MAML3: variants seen among roughly 807,000 people sequenced by gnomAD.
MAML3 encodes the protein mastermind-like protein 3.
A neutral mutation model predicts 101.9 loss-of-function variants in MAML3; 27 were observed. The observed-to-expected ratio is 0.27, with a 90% CI of 0.20 to 0.37. The LOEUF (loss-of-function observed/expected upper bound fraction) is 0.37. MAML3 is among the 10% of genes least tolerant of loss of function. The pLI, the probability that MAML3 is intolerant of heterozygous loss-of-function variation, is 1.00. For missense variants in MAML3, 1,316 were observed against 1,444.9 expected (o/e 0.91, Z 1.45); for synonymous variants, 501 against 555.9 (o/e 0.90, Z 1.39).
chr4:139,736,127 C>G (rs1015793308), intron 2 of MAML3, among the ~76,000 whole-genome samples: 1 of 152,032 alleles, frequency 6.6e-6, no homozygotes, highest in East Asian at 1.9e-4. Context: ...CACACACACT[C>G]ACTCACTCAC....
intron 1 of MAML3, among the ~76,000 whole-genome samples, chr4:139,984,440 T>TCC (rs1184174297): frequency 7.3e-6 from 1 of 136,960 alleles, no homozygotes; most frequent in African/African-American, 2.5e-5. Flanking sequence ...ATTTCTGTGT[T>TCC]CCTTGCTTTG....
At chr4:139,950,048 C>T (rs554308848) in intron 1 of MAML3, among the ~76,000 whole-genome samples, 3 of 151,908 alleles carry the variant, frequency 2.0e-5, no homozygotes, top group African/African-American at 4.8e-5. Context: ...GCAATATTAA[C>T]GATTTTTTTT....
chr4:139,861,045 T>C (rs1731772370), intron 2 of MAML3, among the ~76,000 whole-genome samples: 2 of 152,290 alleles, frequency 1.3e-5, no homozygotes, highest in South Asian at 4.2e-4. Context: ...TATATACATC[T>C]GTATATACTA....
intron 1 of MAML3, among the ~76,000 whole-genome samples, chr4:139,996,641 T>C (rs1012376930): frequency 6.6e-6 from 1 of 151,942 alleles, no homozygotes; most frequent in Non-Finnish European, 1.5e-5. Flanking sequence ...TACTAATATG[T>C]TTTGAGTCAA....
chr4:140,117,711 A>G (rs929760871), intron 1 of MAML3, among the ~76,000 whole-genome samples: 3 of 151,816 alleles, frequency 2.0e-5, no homozygotes, highest in Non-Finnish European at 1.5e-5. Context: ...ATTAATAGAG[A>G]ATAGAAAAAT....
intron 1 of MAML3, among the ~76,000 whole-genome samples, chr4:140,089,676 C>A (rs1728012240): frequency 6.6e-6 from 1 of 152,204 alleles, no homozygotes; most frequent in Non-Finnish European, 1.5e-5. Context: ...ATGATATTCA[C>A]ATGACATTCC....
intron 1 of MAML3, among the ~76,000 whole-genome samples, chr4:139,891,936 GTCTT>G (rs555691783): frequency 4.6e-5 from 7 of 152,094 alleles, no homozygotes; most frequent in Non-Finnish European, 7.4e-5. Context: ...CTCTTATGTA[GTCTT>G]TCTTTTTCCT....
At chr4:139,754,550 A>G (rs908880068) in intron 2 of MAML3, among the ~76,000 whole-genome samples, 2 of 152,236 alleles carry the variant, frequency 1.3e-5, no homozygotes, top group African/African-American at 4.8e-5. Context: ...GCTGAAATGA[A>G]CATTCTTGTA....
intron 2 of MAML3, among the ~76,000 whole-genome samples, chr4:139,831,592 A>G (rs1036191008): frequency 1.3e-5 from 2 of 152,166 alleles, no homozygotes; most frequent in Non-Finnish European, 2.9e-5. Context: ...GAACCAGAAG[A>G]GTATTTCTCA....
chr4:139,787,560 T>C (rs1490929777), intron 2 of MAML3, among the ~76,000 whole-genome samples: 1 of 152,248 alleles, frequency 6.6e-6, no homozygotes, highest in Non-Finnish European at 1.5e-5. Flanking sequence ...TAATATCTCC[T>C]GTGATAACCC....
chr4:139,994,355 G>A (rs1734761183), intron 1 of MAML3, among the ~76,000 whole-genome samples: 1 of 152,170 alleles, frequency 6.6e-6, no homozygotes. Context: ...TTAACTTTCA[G>A]ATTGTTTGTT....
intron 2 of MAML3, among the ~76,000 whole-genome samples, chr4:139,830,615 T>C (rs1411122956): frequency 2.0e-5 from 3 of 151,864 alleles, no homozygotes; most frequent in Admixed American, 1.3e-4. Context: ...GGGGTTTCAC[T>C]GTGTTAGCCA....
At chr4:140,070,002 G>C (rs1351321539) in intron 1 of MAML3, among the ~76,000 whole-genome samples, 1 of 152,014 alleles carries the variant, frequency 6.6e-6, no homozygotes, top group African/African-American at 2.4e-5. Flanking sequence ...TGTAATCCCA[G>C]CTACTCAGGA....
intron 2 of MAML3, among the ~76,000 whole-genome samples, chr4:139,807,775 T>G (rs563363679): frequency 2.0e-5 from 3 of 152,198 alleles, no homozygotes; most frequent in Non-Finnish European, 4.4e-5. Flanking sequence ...ATAAAGAAGG[T>G]TGACTTTATT....
chr4:139,822,505 T>G (rs1286184913), intron 2 of MAML3, among the ~76,000 whole-genome samples: 2 of 152,170 alleles, frequency 1.3e-5, no homozygotes, highest in East Asian at 3.9e-4. Context: ...AAGAGTCCCC[T>G]TATTGGCGCT....
In MAML3 at chr4:140,146,629, G is replaced by A. The variant is rs182205622; in HGVS notation, c.468+6231C>T. ...TTGGAATCTGTCTGGAAAGCAGGCT[G>A]TATTTGTAATAAAAATTTAATTTGT... On this transcript the variant is annotated intron_variant, in intron 1 of 4. Transcript: ENST00000509479. Among the ~76,000 whole-genome samples the A allele has an allele frequency of 5.1e-4, 78 of 152,248 alleles. 1 individual carries two copies. Among genetic ancestry groups the A allele is most frequent in the Non-Finnish European group, 8.7e-4 (59 of 68,020 alleles).
chr4:140,121,967 C>T (rs1282406076), intron 1 of MAML3, among the ~76,000 whole-genome samples: 1 of 152,066 alleles, frequency 6.6e-6, no homozygotes, highest in East Asian at 1.9e-4. Context: ...GTGCTTTCCC[C>T]CAACTTCACT....
chr4:140,083,759 A>G (rs962711149), intron 1 of MAML3, among the ~76,000 whole-genome samples: 2 of 151,892 alleles, frequency 1.3e-5, no homozygotes, highest in African/African-American at 4.8e-5. Context: ...TGGGTATTTT[A>G]TTTTGTTTTA....
intron 1 of MAML3, among the ~76,000 whole-genome samples, chr4:140,001,132 T>A (rs990681129): frequency 6.6e-6 from 1 of 152,216 alleles, no homozygotes; most frequent in Non-Finnish European, 1.5e-5. Context: ...AAACATAGAT[T>A]GATTTTGCTG....
Sources: gnomAD v4.1 joint callset for allele counts (sites outside exome capture counted in the v4.1 genomes callset) on GRCh38, gnomAD v4.1.1 for gene constraint, MANE v1.5 for transcripts, NCBI Gene and HGNC (gene_info 2026-07-23, HGNC 2026-07-21) for gene names.